EGFLAM: variants seen among roughly 807,000 people sequenced by gnomAD.
The protein encoded by EGFLAM is pikachurin.
Under a neutral mutation model 113.1 loss-of-function variants are expected in EGFLAM, and 79 were observed. The ratio of observed to expected loss-of-function variants is 0.70; its 90% CI spans 0.58 to 0.84. The LOEUF (loss-of-function observed/expected upper bound fraction) is 0.84, where lower values mean the gene tolerates loss of function less well. Ranked by LOEUF, EGFLAM falls within the 40% of genes least tolerant of loss-of-function variation. The pLI is 0.00. For missense variants in EGFLAM, 1,265 were observed against 1,291.6 expected (o/e 0.98, Z 0.32); for synonymous variants, 504 against 487.6 (o/e 1.03, Z -0.44).
intron 3 of EGFLAM, among the ~76,000 whole-genome samples, chr5:38,349,056 A>G (rs1739548751): frequency 6.6e-6 from 1 of 152,198 alleles, no homozygotes; most frequent in Non-Finnish European, 1.5e-5. Flanking sequence ...TTAAGTATTC[A>G]TTAATTATTT....
chr5:38,266,617 CTTGTA>C, intron 1 of EGFLAM, among the ~76,000 whole-genome samples: 1 of 152,206 alleles, frequency 6.6e-6, no homozygotes, highest in African/African-American at 2.4e-5. Flanking sequence ...TGTGATGTAA[CTTGTA>C]TTGAATTGTA....
intron 6 of EGFLAM, among the ~76,000 whole-genome samples, chr5:38,394,169 C>G (rs1740890692): frequency 6.6e-6 from 1 of 151,782 alleles, no homozygotes; most frequent in Non-Finnish European, 1.5e-5. Context: ...TCGTGTTGCT[C>G]TGCCAGCTGA....
Position 38,350,592 on chromosome 5 carries a change from C to G in EGFLAM, c.383C>G (p.Pro128Arg), listed in dbSNP as rs749431693. ...SQAGKGRLSS[P>R]RHVTTLSQDS... The stretch of plus-strand genomic sequence containing the variant: ...GCTGGCAAAGGGCGGCTGAGCTCTC[C>G]TCGGCATGTCACCACTTTGTCCCAA... Residue 128 changes from proline (P) to arginine (R), a missense_variant, in exon 4 of 22, where the codon CCT becomes CGT. Pro to Arg is a moderately radical substitution (Grantham distance 103). Coordinates refer to ENST00000322350, the MANE Select transcript of EGFLAM (RefSeq NM_152403.4). The G allele has an allele frequency of 8.1e-6, 13 of 1,613,868 alleles. No individual in the cohort carries two copies. Among genetic ancestry groups the G allele is most frequent in the Non-Finnish European group, 2.5e-6 (3 of 1,179,970 alleles).
intron 3 of EGFLAM, among the ~76,000 whole-genome samples, chr5:38,344,439 C>T (rs1739423571): frequency 6.7e-6 from 1 of 149,994 alleles, no homozygotes; most frequent in South Asian, 2.1e-4. Context: ...GCTGGGATCG[C>T]ATCATTGCAC....
intron 3 of EGFLAM, among the ~76,000 whole-genome samples, chr5:38,342,089 C>T (rs1458418034): frequency 6.6e-6 from 1 of 152,196 alleles, no homozygotes; most frequent in African/African-American, 2.4e-5. Context: ...CTCCCTCTTG[C>T]TGATTAAGGC....
intron 15 of EGFLAM, 144 bp downstream of exon 15, chr5:38,431,432 C>G (rs1021267282): frequency 2.8e-6 from 2 of 713,232 alleles, no homozygotes; most frequent in Non-Finnish European, 4.6e-6. Flanking sequence ...CCCCACTGGG[C>G]AAATTACTTA....
At chr5:38,448,568 A>G (rs1742801778) in intron 18 of EGFLAM, 189 bp downstream of exon 18, 1 of 628,176 alleles carries the variant, frequency 1.6e-6, no homozygotes, top group Non-Finnish European at 2.7e-6. Flanking sequence ...AAAACAAAAA[A>G]CAAACTAAAC....
chr5:38,366,048 T>A (rs1740050649), intron 5 of EGFLAM, among the ~76,000 whole-genome samples: 1 of 152,178 alleles, frequency 6.6e-6, no homozygotes, highest in Non-Finnish European at 1.5e-5. Context: ...TAGTCCAACA[T>A]GGAAAACACA....
chr5:38,463,898 C>T lies in EGFLAM; in HGVS notation c.2942C>T (p.Ser981Phe), dbSNP rs781676753. The T allele has an allele frequency of 1.2e-6, 2 of 1,614,228 alleles. No homozygotes were observed. Among genetic ancestry groups the T allele is most frequent in the Non-Finnish European group, 8.5e-7 (1 of 1,180,042 alleles). ...ATGAGAGGGCTCGTGGGCTGTATCT[C>T]TCACTTCACCCTGTCCACCGATTAC... ...QYMRGLVGCI[S>F]HFTLSTDYHI... The change falls in exon 22 of 22, where the codon TCT becomes TTT. Residue 981 changes from serine (S) to phenylalanine (F), a missense_variant. Transcript: ENST00000322350.
chr5:38,438,386 T>C lies in EGFLAM; in HGVS notation c.2395T>C (p.Cys799Arg), dbSNP rs767994225. 47 of 1,614,004 alleles carry C rather than the reference T, an allele frequency of 2.9e-5. No homozygotes were observed. The highest frequency in any genetic ancestry group is 4.0e-5 in the Non-Finnish European group (47 of 1,179,946). The change falls in exon 17 of 22, where the codon TGC becomes CGC. Residue 799 changes from cysteine (C) to arginine (R), a missense_variant. Coordinates refer to ENST00000322350, the MANE Select transcript of EGFLAM (RefSeq NM_152403.4). Reference sequence around the variant, plus strand: ...AGCCCCTTGTGCCCATGGGGGCAGCTGCCGGCCCAGGAAGGAGGGCTATGA... The same window carrying C: ...AGCCCCTTGTGCCCATGGGGGCAGCCGCCGGCCCAGGAAGGAGGGCTATGA... ...VRAPCAHGGS[C>R]RPRKEGYDCD... is the part of the protein sequence containing the mutation.
chr5:38,304,854 C>G (rs941890768), intron 1 of EGFLAM, among the ~76,000 whole-genome samples: 11 of 152,050 alleles, frequency 7.2e-5, no homozygotes, highest in Non-Finnish European at 1.5e-4. Context: ...GATCCCTAGA[C>G]AGATAAAATA....
intron 6 of EGFLAM, among the ~76,000 whole-genome samples, chr5:38,378,069 A>T (rs1477679147): frequency 6.6e-6 from 1 of 152,192 alleles, no homozygotes. Context: ...TGTTCTCTCC[A>T]TAAACTGTTT....
At chr5:38,445,517 C>A in intron 17 of EGFLAM, 6 of 1,540,506 alleles carry the variant, frequency 3.9e-6, no homozygotes, top group South Asian at 1.2e-5. Flanking sequence ...CCCCGCGGGG[C>A]TCATATTCAC....
intron 12 of EGFLAM, among the ~76,000 whole-genome samples, chr5:38,423,107 A>G (rs970812082): frequency 3.9e-5 from 6 of 152,210 alleles, no homozygotes; most frequent in African/African-American, 1.2e-4. Flanking sequence ...TGCAGAAGCC[A>G]GGTCCTGTTC....
At chr5:38,420,255 A>C (rs1741781370) in intron 12 of EGFLAM, among the ~76,000 whole-genome samples, 1 of 152,236 alleles carries the variant, frequency 6.6e-6, no homozygotes, top group Admixed American at 6.5e-5. Flanking sequence ...TTATAACTAT[A>C]AAAGATGAAG....
chr5:38,285,288 G>C (rs1486783925), intron 1 of EGFLAM, among the ~76,000 whole-genome samples: 1 of 152,164 alleles, frequency 6.6e-6, no homozygotes, highest in Admixed American at 6.5e-5. Flanking sequence ...TTTTCAGAAT[G>C]ACCTTTATGG....
At chr5:38,274,090 A>G (rs1757828728) in intron 1 of EGFLAM, among the ~76,000 whole-genome samples, 1 of 152,242 alleles carries the variant, frequency 6.6e-6, no homozygotes, top group Admixed American at 6.5e-5. Context: ...TATCAACAGC[A>G]AAGTTTATTA....
At chr5:38,461,891 T>C (rs368546799) in intron 20 of EGFLAM, among the ~76,000 whole-genome samples, 1 of 151,864 alleles carries the variant, frequency 6.6e-6, no homozygotes, top group Non-Finnish European at 1.5e-5. Context: ...ACTGGCCGGG[T>C]GCAGTGGCTC....
rs5867407 is a variant in EGFLAM, at chr5:38,362,531, C to CA, written c.546-7757dup. Among the ~76,000 whole-genome samples the CA allele has an allele frequency of 1.5e-4, 23 of 151,674 alleles. 1 individual carries two copies. In the East Asian group the frequency reaches 2.7e-3, roughly 18 times the overall value. Reference sequence around the variant, plus strand: ...ACCCTCCCTAATCTCCCTTTCTTTTCAAAAAAAAGTGTTAGAAGTTTTGCT... The same window carrying CA: ...ACCCTCCCTAATCTCCCTTTCTTTTCAAAAAAAAAGTGTTAGAAGTTTTGCT... On this transcript the variant is annotated intron_variant, in intron 5 of 21. Coordinates refer to ENST00000322350, the MANE Select transcript of EGFLAM (RefSeq NM_152403.4).
Sources: allele counts gnomAD v4.1 joint callset (sites outside exome capture counted in the v4.1 genomes callset), GRCh38; gene constraint gnomAD v4.1.1; transcripts MANE v1.5; gene names NCBI Gene and HGNC (gene_info 2026-07-23, HGNC 2026-07-21).